The following PALS2 variants were observed in gnomAD, a reference collection of about 807,000 sequenced individuals.
PALS2 encodes the protein protein associated with LIN7 2, MAGUK p55 family member.
In PALS2, 27 loss-of-function variants were observed where a neutral mutation model predicts 61.6. That is an observed-to-expected ratio of 0.44 (90% CI 0.32 to 0.60). The LOEUF (loss-of-function observed/expected upper bound fraction) is 0.60, where lower values mean the gene tolerates loss of function less well. Among genes scored for constraint, PALS2 ranks in the 20% least tolerant of loss-of-function variants. The probability of loss-of-function intolerance (pLI) is 0.05; values close to 1 mark genes in which losing one functional copy is unlikely to be tolerated. For synonymous variants in PALS2, 236 were observed against 218.6 expected, an observed-to-expected ratio of 1.08 and a Z score of -0.70; for missense variants, 554 against 639.4, an observed-to-expected ratio of 0.87 and a Z score of 1.44.
At chr7:24,605,722 G>T (rs764165618) in intron 1 of PALS2, among the ~76,000 whole-genome samples, 5 of 151,924 alleles carry the variant, frequency 3.3e-5, no homozygotes, top group Non-Finnish European at 4.4e-5. Flanking sequence ...AAAGGCTCTT[G>T]TCTCTATCCA....
chr7:24,665,795 A>G (rs192744771), intron 7 of PALS2, 108 bp downstream of exon 7: 4 of 1,061,988 alleles, frequency 3.8e-6, no homozygotes, highest in East Asian at 2.5e-5. Context: ...TCTAGAATGA[A>G]TCCCTCCCTC....
intron 1 of PALS2, among the ~76,000 whole-genome samples, chr7:24,587,874 T>C (rs1783133260): frequency 6.6e-6 from 1 of 152,132 alleles, no homozygotes; most frequent in Non-Finnish European, 1.5e-5. Flanking sequence ...GCAAGAAAAG[T>C]GGAGTGATTC....
rs960024096 is a variant in PALS2 at position 24,692,757 on chromosome 7, G to A, written c.*5143G>A. 1 of 152,006 alleles carries A rather than the reference G, an allele frequency of 6.6e-6. No individual in the cohort carries two copies. Among genetic ancestry groups the A allele is most frequent in the African/African-American group, 2.4e-5 (1 of 41,376 alleles). 9.4% of individuals were successfully genotyped at this position (152,006 alleles called of 1,614,324 possible). On this transcript the variant is annotated 3_prime_UTR_variant, in exon 12 of 12. Coordinates refer to ENST00000222644, the MANE Select transcript of PALS2 (RefSeq NM_001303037.2). ...AATGTAAGCAAGCAATCCAGTACTC[G>A]GTTACACCAGAAGACTCTGATCTTT...
chr7:24,647,620 A>G (rs1785910353), intron 3 of PALS2, among the ~76,000 whole-genome samples: 1 of 152,178 alleles, frequency 6.6e-6, no homozygotes, highest in Non-Finnish European at 1.5e-5. Flanking sequence ...ATTCTTCCAT[A>G]ATGTAGAGCT....
At chr7:24,665,075 T>C (rs1724457492) in intron 6 of PALS2, among the ~76,000 whole-genome samples, 1 of 152,214 alleles carries the variant, frequency 6.6e-6, no homozygotes, top group Non-Finnish European at 1.5e-5. Context: ...GTTAGCTGTT[T>C]TACATTAGGT....
At chr7:24,686,138 C>G (rs1024110229) in intron 11 of PALS2, among the ~76,000 whole-genome samples, 1 of 152,166 alleles carries the variant, frequency 6.6e-6, no homozygotes, top group Non-Finnish European at 1.5e-5. Context: ...ATTCTTGACT[C>G]ATTCATTTTC....
chr7:24,669,291 T>C (rs1787183398), intron 9 of PALS2, among the ~76,000 whole-genome samples: 1 of 152,248 alleles, frequency 6.6e-6, no homozygotes, highest in South Asian at 2.1e-4. Flanking sequence ...CATATTTACA[T>C]AGAAAGTTAA....
intron 2 of PALS2, among the ~76,000 whole-genome samples, chr7:24,638,120 A>G (rs1785329143): frequency 6.6e-6 from 1 of 151,974 alleles, no homozygotes; most frequent in African/African-American, 2.4e-5. Flanking sequence ...CTGACCTTAA[A>G]GTGAATTAGA....
At chr7:24,599,749 C>T (rs2128046864) in intron 1 of PALS2, among the ~76,000 whole-genome samples, 1 of 152,188 alleles carries the variant, frequency 6.6e-6, no homozygotes, top group South Asian at 2.1e-4. Flanking sequence ...AAGTGGTCCA[C>T]CTGCCTCAGC....
At chr7:24,579,635 T>C (rs2128038769) in intron 1 of PALS2, among the ~76,000 whole-genome samples, 1 of 152,254 alleles carries the variant, frequency 6.6e-6, no homozygotes, top group East Asian at 1.9e-4. Flanking sequence ...ATACTTTGTA[T>C]CCTTCACACA....
intron 2 of PALS2, among the ~76,000 whole-genome samples, chr7:24,636,166 C>T (rs958085527): frequency 8.4e-5 from 12 of 143,686 alleles, no homozygotes; most frequent in African/African-American, 2.9e-4. Context: ...GAGCCGAGAT[C>T]ACATCATTGC....
intron 5 of PALS2, among the ~76,000 whole-genome samples, chr7:24,654,945 G>C (rs949666969): frequency 1.3e-5 from 2 of 152,162 alleles, no homozygotes; most frequent in African/African-American, 4.8e-5. Context: ...TGCAATGAAT[G>C]GGGGGAACCT....
At chr7:24,587,030 A>ATT (rs56074140) in intron 1 of PALS2, among the ~76,000 whole-genome samples, 9 of 134,816 alleles carry the variant, frequency 6.7e-5, no homozygotes, top group African/African-American at 1.8e-4. Flanking sequence ...TGTTTAAAGG[A>ATT]TTTTTTTTTT....
chr7:24,684,995 G>T (rs541214812), intron 11 of PALS2, among the ~76,000 whole-genome samples: 1 of 150,998 alleles, frequency 6.6e-6, no homozygotes, highest in South Asian at 2.1e-4. Flanking sequence ...TACAGGATGT[G>T]CGGGTTTGTT....
rs1333354960 is a variant in PALS2, at chr7:24,690,154, T to TA, written c.*2541dup. On this transcript the variant is annotated 3_prime_UTR_variant, in exon 12 of 12. Transcript: ENST00000222644. Reference sequence around the variant, plus strand: ...TAGTTCATTTCAGTCTAGATGCCCGTACTAACAAGAATACAGTTAGATAAG... The same window carrying TA: ...TAGTTCATTTCAGTCTAGATGCCCGTAACTAACAAGAATACAGTTAGATAAG... 1 of 152,204 alleles carries TA rather than the reference T, an allele frequency of 6.6e-6. No homozygotes were observed. The highest frequency in any genetic ancestry group is 1.5e-5 in the Non-Finnish European group (1 of 68,014). The allele number at this position is 152,204 out of a possible 1,614,324, so 9.4% of individuals were successfully genotyped here.
chr7:24,580,061 G>A (rs1212145978), intron 1 of PALS2, among the ~76,000 whole-genome samples: 1 of 152,166 alleles, frequency 6.6e-6, no homozygotes, highest in Admixed American at 6.6e-5. Context: ...AAGGAAAAGT[G>A]AAAGGTGAGG....
At chr7:24,632,286 G>A (rs933516756) in intron 2 of PALS2, among the ~76,000 whole-genome samples, 2 of 152,148 alleles carry the variant, frequency 1.3e-5, no homozygotes, top group Non-Finnish European at 1.5e-5. Context: ...GTTAATGTTA[G>A]CATGATACAC....
In PALS2 at chr7:24,680,535, C is replaced by G. The variant is rs921481032; in HGVS notation, c.1446+15C>G. ...AGCTTCTGACCGTGAGCTAACCATA[C>G]GATTTTCCTTCTAAAATCTTTCCTT... On this transcript the variant is annotated intron_variant, in intron 11 of 11. Transcript: ENST00000222644. 9 of 1,601,430 alleles carry G rather than the reference C, an allele frequency of 5.6e-6. No individual in the cohort carries two copies. The highest frequency in any genetic ancestry group is 7.7e-6 in the Non-Finnish European group (9 of 1,174,558).
At chr7:24,583,435 C>T (rs553702346) in intron 1 of PALS2, among the ~76,000 whole-genome samples, 13 of 152,106 alleles carry the variant, frequency 8.5e-5, no homozygotes, top group African/African-American at 2.9e-4. Flanking sequence ...TTACTATTCA[C>T]CCAATTAAAA....
Sources: allele counts gnomAD v4.1 joint callset (sites outside exome capture counted in the v4.1 genomes callset), GRCh38; gene constraint gnomAD v4.1.1; transcripts MANE v1.5; gene names NCBI Gene and HGNC (gene_info 2026-07-23, HGNC 2026-07-21).